SRP19: variants seen among roughly 807,000 people sequenced by gnomAD.
The protein encoded by SRP19 is signal recognition particle 19 kDa protein.
In SRP19, 11 loss-of-function variants were observed where a neutral mutation model predicts 22.4. That is an observed-to-expected ratio of 0.49 (90% confidence interval 0.31 to 0.81). The LOEUF (loss-of-function observed/expected upper bound fraction) is 0.81, where lower values mean the gene tolerates loss of function less well. SRP19 is among the 40% of genes least tolerant of loss of function. SRP19 has a pLI of 0.05. For missense variants in SRP19, 168 were observed against 175.9 expected (o/e 0.96, Z 0.25); for synonymous variants, 61 against 57.6 (o/e 1.06, Z -0.27).
intron 4 of SRP19, chr5:112,877,466 A>G (rs1171336994): frequency 3.3e-5 from 5 of 152,208 alleles, no homozygotes; most frequent in South Asian, 2.1e-4. Context: ...TGGCAGATCA[A>G]TGGAGACATC....
chr5:112,864,717 G>C lies in SRP19; in HGVS notation c.286G>C (p.Val96Leu). ...ACAGGAAGATGGGAGCCTCTGCCTT[G>C]TACAGTTCCCATCACGTAAGCTTGT... ...LKQEDGSLCL[V>L]QFPSRKSVML... is the part of the protein sequence containing the mutation. Residue 96 changes from valine to leucine, a missense_variant, in exon 4 of 5, where the codon GTA (valine) becomes CTA (leucine). Val to Leu is a conservative substitution (Grantham distance 32). Coordinates refer to ENST00000505459, the MANE Select transcript of SRP19 (RefSeq NM_003135.3). 1 of 1,613,208 alleles carries C rather than the reference G, an allele frequency of 6.2e-7. No individual in the cohort carries two copies. The highest frequency in any genetic ancestry group is 8.5e-7 in the Non-Finnish European group (1 of 1,179,502).
rs886590090 is a variant in SRP19, at chr5:112,869,113, A to T, written c.*1576A>T. 11 of 152,196 alleles carry T rather than the reference A, an allele frequency of 7.2e-5. No individual in the cohort carries two copies. Among genetic ancestry groups the T allele is most frequent in the African/African-American group, 2.4e-4 (10 of 41,450 alleles). The allele number at this position is 152,196 out of a possible 1,614,324, so 9.4% of individuals were successfully genotyped here. A position where few individuals can be genotyped will look rare whatever the true frequency, so the allele number is the denominator to read the frequency against. ...TAACAAAACAATGAAGGATTTAAGC[A>T]GGATATTTTTGCCTCATATGTTAAA... On this transcript the variant is annotated 3_prime_UTR_variant, in exon 5 of 5. Coordinates refer to ENST00000505459, the MANE Select transcript of SRP19 (RefSeq NM_003135.3).
At position 112,869,106 on chromosome 5, in the gene SRP19, T is replaced by G. The variant is rs1049204590; in HGVS notation, c.*1569T>G. ...TGCTGTGTAACAAAACAATGAAGGATTTAAGCAGGATATTTTTGCCTCATA... is the reference window on the plus strand; with the variant it reads ...TGCTGTGTAACAAAACAATGAAGGAGTTAAGCAGGATATTTTTGCCTCATA... On this transcript the variant is annotated 3_prime_UTR_variant, in exon 5 of 5. Coordinates refer to ENST00000505459, the MANE Select transcript of SRP19 (RefSeq NM_003135.3). 14 of 152,276 alleles carry G rather than the reference T, an allele frequency of 9.2e-5. No homozygotes were observed. In the East Asian group the frequency reaches 1.9e-3, roughly 21 times the overall value. The allele number at this position is 152,276 out of a possible 1,614,324, so 9.4% of individuals were successfully genotyped here.
At chr5:112,864,956 G>A in intron 4 of SRP19, 1 of 368,550 alleles carries the variant, frequency 2.7e-6, no homozygotes, top group Non-Finnish European at 4.9e-6. Flanking sequence ...CAAAAAAATT[G>A]TTGTGTGAAC....
downstream of SRP19, chr5:112,893,982 T>C (rs1768591799): frequency 6.6e-6 from 1 of 152,202 alleles, no homozygotes; most frequent in Non-Finnish European, 1.5e-5. Flanking sequence ...AAATGGAGAA[T>C]TAAATGACTG....
At chr5:112,891,578 C>G in intron 4 of SRP19, 1 of 1,552,222 alleles carries the variant, frequency 6.4e-7, no homozygotes, top group Non-Finnish European at 8.7e-7. Context: ...CAGCTATGAA[C>G]AAAATCTTCC....
intron 4 of SRP19, among the ~76,000 whole-genome samples, chr5:112,879,921 C>T (rs985646755): frequency 7.3e-5 from 11 of 151,502 alleles, no homozygotes; most frequent in Non-Finnish European, 7.4e-5. Flanking sequence ...CCACCCCCCA[C>T]CTCTATTTTA....
chr5:112,868,936 A>G lies in SRP19; in HGVS notation c.*1399A>G, dbSNP rs1004570742. ...TAACAATTTCTGTTTTATAGTGAAC[A>G]TAATAGTATAAGACTTAGTTTATAT... On this transcript the variant is annotated 3_prime_UTR_variant, in exon 5 of 5. Transcript: ENST00000505459. 3 of 152,118 alleles carry G rather than the reference A, an allele frequency of 2.0e-5. No homozygotes were observed. Among genetic ancestry groups the G allele is most frequent in the Admixed American group, 6.6e-5 (1 of 15,266 alleles). 9.4% of individuals were successfully genotyped at this position (152,118 alleles called of 1,614,324 possible).
chr5:112,881,192 T>TA (rs968010565), intron 4 of SRP19, among the ~76,000 whole-genome samples: 9 of 147,518 alleles, frequency 6.1e-5, no homozygotes, highest in Admixed American at 2.7e-4. Flanking sequence ...GGCTACAAGT[T>TA]AAAAAATACC....
rs545220341 is a variant in SRP19, at chr5:112,879,574, T to C, written c.302-12029T>C. Among the ~76,000 whole-genome samples, 64 of 152,168 alleles carry C rather than the reference T, an allele frequency of 4.2e-4. 1 individual carries two copies. The East Asian group carries it at 4.7e-3, about 11-fold the overall frequency. ...CTACAGGCTCTGCCTCCCGGGTTCA[T>C]GCCATTCTCCTGCCTCAGCCTCCCG... On this transcript the variant is annotated intron_variant, in intron 4 of 4. Transcript: ENST00000391338.
chr5:112,893,531 C>A (rs1768572172), downstream of SRP19: 2 of 155,430 alleles, frequency 1.3e-5, no homozygotes, highest in Admixed American at 1.3e-4. Flanking sequence ...CCTCTCTTCA[C>A]CTTTCCTATT....
At chr5:112,875,093 G>A (rs1767864983) in intron 4 of SRP19, among the ~76,000 whole-genome samples, 1 of 152,102 alleles carries the variant, frequency 6.6e-6, no homozygotes, top group Non-Finnish European at 1.5e-5. Context: ...AAGTTTTTGG[G>A]AAGCATCGAT....
chr5:112,861,335 G>T lies in SRP19; in HGVS notation c.-42G>T. ...CGGGTTCCTCCCGGGTTTCTGCCGG[G>T]TTTCTCCCTGCGGCTCCTGGGTTGT... On this transcript the variant is annotated 5_prime_UTR_variant, in exon 1 of 5. Coordinates refer to ENST00000505459, the MANE Select transcript of SRP19 (RefSeq NM_003135.3). 1.2e-6 allele frequency: 2 copies of T among 1,613,658 alleles called. No individual in the cohort carries two copies. The highest frequency in any genetic ancestry group is 8.5e-7 in the Non-Finnish European group (1 of 1,179,616).
intron 4 of SRP19, among the ~76,000 whole-genome samples, chr5:112,887,917 A>C (rs1768309973): frequency 6.6e-6 from 1 of 152,202 alleles, no homozygotes; most frequent in African/African-American, 2.4e-5. Flanking sequence ...TCATCCATGC[A>C]ATTTACTCCT....
At chr5:112,882,506 C>T (rs571017736) in intron 4 of SRP19, among the ~76,000 whole-genome samples, 1 of 152,340 alleles carries the variant, frequency 6.6e-6, no homozygotes, top group South Asian at 2.1e-4. Context: ...TGTAGCTATA[C>T]CCATGTAGCT....
At chr5:112,881,297 T>C (rs897591694) in intron 4 of SRP19, among the ~76,000 whole-genome samples, 1 of 152,142 alleles carries the variant, frequency 6.6e-6, no homozygotes. Context: ...ATACCACTTC[T>C]GGGGCATCAG....
At chr5:112,874,273 GT>G (rs1469857264), downstream of SRP19, among the ~76,000 whole-genome samples, 3 of 152,138 alleles carry the variant, frequency 2.0e-5, no homozygotes, top group African/African-American at 4.8e-5. Flanking sequence ...AAGCCCAGGA[GT>G]TTGAGACCAG....
rs867145954 is a variant in SRP19, at chr5:112,890,382, T to C, written c.302-1221T>C. 2.1e-4 allele frequency among the ~76,000 whole-genome samples: 29 copies of C among 140,838 alleles called. 4 individuals are homozygous for C. Among genetic ancestry groups the C allele is most frequent in the Middle Eastern group, 3.5e-3 (1 of 282 alleles). 92.4% of individuals were successfully genotyped at this position (140,838 alleles called of 152,430 possible). On this transcript the variant is annotated intron_variant, in intron 4 of 4. Coordinates refer to the SRP19 transcript ENST00000391338. ...CAAAATTTAAGTCTTTTTTTTTTTT[T>C]AAATAAAAAAGGGTTTCACTTTGTC...
At chr5:112,874,525 G>T (rs1049981843), downstream of SRP19, among the ~76,000 whole-genome samples, 1 of 152,140 alleles carries the variant, frequency 6.6e-6, no homozygotes, top group Non-Finnish European at 1.5e-5. Flanking sequence ...TTTTGAAAAG[G>T]TCCTCAGATG....
Sources: gnomAD v4.1 joint callset for allele counts (sites outside exome capture counted in the v4.1 genomes callset) on GRCh38, gnomAD v4.1.1 for gene constraint, MANE v1.5 for transcripts, NCBI Gene and HGNC (gene_info 2026-07-23, HGNC 2026-07-21) for gene names.